YEATS2: variants seen among roughly 807,000 people sequenced by gnomAD.
The protein encoded by YEATS2 is YEATS domain-containing protein 2.
Under a neutral mutation model 163.2 loss-of-function variants are expected in YEATS2, and 77 were observed. The ratio of observed to expected loss-of-function variants is 0.47; its 90% confidence interval spans 0.39 to 0.57. The LOEUF (loss-of-function observed/expected upper bound fraction) is 0.57. Among genes scored for constraint, YEATS2 ranks in the 20% least tolerant of loss-of-function variants. The probability of loss-of-function intolerance (pLI) is 0.00; values close to 1 mark genes in which losing one functional copy is unlikely to be tolerated. For missense variants in YEATS2, 1,549 were observed against 1,729.8 expected (o/e 0.90, Z 1.85); for synonymous variants, 631 against 645.1 (o/e 0.98, Z 0.33).
At chr3:183,740,006 A>G (rs1718775129) in intron 8 of YEATS2, among the ~76,000 whole-genome samples, 1 of 103,294 alleles carries the variant, frequency 9.7e-6, no homozygotes, top group African/African-American at 3.8e-5. Context: ...TAAAAACCCT[A>G]GAAGAAAACC....
chr3:183,749,881 G>A (rs145279896), intron 9 of YEATS2, among the ~76,000 whole-genome samples: 3,990 of 152,014 alleles, frequency 0.026, 177 homozygotes, highest in African/African-American at 0.092. Context: ...GCAGTGGCTC[G>A]ATCTCGGCTC....
At chr3:183,730,835 C>T (rs1717703648) in intron 7 of YEATS2, among the ~76,000 whole-genome samples, 1 of 152,070 alleles carries the variant, frequency 6.6e-6, no homozygotes, top group African/African-American at 2.4e-5. Context: ...CACTTTGATG[C>T]TTAGGTTATT....
At chr3:183,722,744 C>T (rs1716658520) in intron 5 of YEATS2, among the ~76,000 whole-genome samples, 1 of 152,156 alleles carries the variant, frequency 6.6e-6, no homozygotes, top group Admixed American at 6.5e-5. Flanking sequence ...CCTCTGTCTC[C>T]CAGGTTCAAG....
intron 20 of YEATS2, 150 bp downstream of exon 20, chr3:183,786,451 TC>T: frequency 1.3e-6 from 1 of 767,312 alleles, no homozygotes; most frequent in Non-Finnish European, 2.0e-6. Flanking sequence ...ACCATAAAAG[TC>T]CCCATTTTGT....
Position 183,762,188 on chromosome 3 carries a change from A to G in YEATS2, c.1856A>G (p.Lys619Arg). The G allele has an allele frequency of 6.2e-7, 1 of 1,614,162 alleles. No individual in the cohort carries two copies. Among genetic ancestry groups the G allele is most frequent in the Non-Finnish European group, 8.5e-7 (1 of 1,180,032 alleles). The change falls in exon 15 of 31, where the codon AAA (lysine) becomes AGA (arginine). Residue 619 changes from lysine (K) to arginine (R), a missense_variant. Physicochemically the swap from Lys to Arg is conservative, Grantham distance 26 (BLOSUM62 2). Transcript: ENST00000305135. The part of the protein sequence containing the change: ...QSPLPQYVTV[K>R]GGHMIAVSPQ... ...CCACTCCCGCAGTATGTGACTGTGA[A>G]AGGGGGTCACATGATAGCTGTGTCC...
At chr3:183,734,214 T>C (rs1320647592) in intron 7 of YEATS2, among the ~76,000 whole-genome samples, 2 of 152,208 alleles carry the variant, frequency 1.3e-5, no homozygotes, top group African/African-American at 2.4e-5. Flanking sequence ...CCCAGTCATA[T>C]TACTGTGCGT....
At position 183,697,874 on chromosome 3, in the gene YEATS2, G is replaced by T. The variant is rs909026125; in HGVS notation, c.-139G>T. On this transcript the variant is annotated 5_prime_UTR_variant, in exon 1 of 31. Coordinates refer to ENST00000305135, the MANE Select transcript of YEATS2 (RefSeq NM_018023.5). ...GCGCCGTGTGCTTCCGCAGGTTGCG[G>T]GGGTCGCTGGGGCCTTGTGGCGGGG... 1 of 151,406 alleles carries T rather than the reference G, an allele frequency of 6.6e-6. No homozygotes were observed. The highest frequency in any genetic ancestry group is 2.4e-5 in the African/African-American group (1 of 41,298). The allele number at this position is 151,406 out of a possible 1,614,324, so 9.4% of individuals were successfully genotyped here. A position where few individuals can be genotyped will look rare whatever the true frequency, so the allele number is the denominator to read the frequency against.
chr3:183,803,419 T>G, intron 26 of YEATS2, 84 bp downstream of exon 26: 3 of 1,262,666 alleles, frequency 2.4e-6, no homozygotes, highest in Non-Finnish European at 3.4e-6. Context: ...CATATTTGGT[T>G]GAAATATTTG....
Position 183,804,053 on chromosome 3 carries a change from C to CTG in YEATS2, c.3649_3650insTG (p.His1217LeufsTer3). On this transcript the variant is annotated frameshift_variant, in exon 27 of 31. Transcript: ENST00000305135. LOFTEE classifies it high-confidence loss of function. ...CCTGGAGAAGAATCCGAGATTTCAC[C>CTG]ACCTGACTCCCCTCAAAACCAAGCA... 1 of 1,614,044 alleles carries CTG rather than the reference C, an allele frequency of 6.2e-7. No homozygotes were observed. The highest frequency in any genetic ancestry group is 8.5e-7 in the Non-Finnish European group (1 of 1,180,010).
At chr3:183,790,230 C>A (rs1659610410) in intron 20 of YEATS2, among the ~76,000 whole-genome samples, 1 of 152,218 alleles carries the variant, frequency 6.6e-6, no homozygotes, top group Non-Finnish European at 1.5e-5. Flanking sequence ...TATTCCTAGG[C>A]AGAAGCAGTG....
rs770571099 is a variant in YEATS2 at position 183,790,785 on chromosome 3, A to G, written c.2914-12A>G. The G allele has an allele frequency of 4.3e-6, 7 of 1,611,662 alleles. No homozygotes were observed. In the Admixed American group the frequency reaches 1.0e-4, roughly 23 times the overall value. ...CCTGAACTGTGTTGTTTCGGACCCC[A>G]TGGGTGAGCAGTCTGAAGGAATGGC... On this transcript the variant is annotated splice_polypyrimidine_tract_variant and intron_variant, in intron 20 of 30. Coordinates refer to ENST00000305135, the MANE Select transcript of YEATS2 (RefSeq NM_018023.5).
chr3:183,736,447 C>G (rs1718350751), intron 7 of YEATS2, among the ~76,000 whole-genome samples: 3 of 152,184 alleles, frequency 2.0e-5, no homozygotes, highest in African/African-American at 7.2e-5. Flanking sequence ...GTTCCCTCGT[C>G]TGTGAAAATG....
intron 6 of YEATS2, among the ~76,000 whole-genome samples, chr3:183,725,803 C>T (rs543477389): frequency 1.3e-5 from 2 of 152,202 alleles, no homozygotes; most frequent in African/African-American, 4.8e-5. Flanking sequence ...AAAGCTGAAA[C>T]CAGATTCTTC....
chr3:183,759,100 C>T lies in YEATS2; in HGVS notation c.1656+135C>T, dbSNP rs1721077651. 6.8e-6 allele frequency: 4 copies of T among 589,342 alleles called. No individual in the cohort carries two copies. In the South Asian group the frequency reaches 8.1e-5, roughly 12 times the overall value. The allele number at this position is 589,342 out of a possible 1,614,324, so 36.5% of individuals were successfully genotyped here. On this transcript the variant is annotated intron_variant, in intron 13 of 30. Transcript: ENST00000305135. ...CGAACTCCTGGCCTCAAGAGATCTG[C>T]CACCTCACCTGCCAGGGTACTGCGG...
intron 21 of YEATS2, among the ~76,000 whole-genome samples, chr3:183,791,496 T>A (rs1354739711): frequency 6.6e-6 from 1 of 152,244 alleles, no homozygotes; most frequent in Non-Finnish European, 1.5e-5. Context: ...TGAAAGTTAC[T>A]ATTTGAATTT....
At chr3:183,746,288 A>G (rs1473480127) in intron 8 of YEATS2, among the ~76,000 whole-genome samples, 4 of 152,186 alleles carry the variant, frequency 2.6e-5, no homozygotes, top group South Asian at 2.1e-4. Context: ...TCCTGGACTC[A>G]AGCAATCAGC....
intron 7 of YEATS2, among the ~76,000 whole-genome samples, chr3:183,735,590 T>TA (rs1375000962): frequency 2.6e-5 from 4 of 152,246 alleles, no homozygotes; most frequent in Admixed American, 2.6e-4. Context: ...TGCTCGTTAA[T>TA]TCACATCTGT....
chr3:183,729,321 C>T (rs1399805334), intron 7 of YEATS2, among the ~76,000 whole-genome samples: 3 of 151,976 alleles, frequency 2.0e-5, no homozygotes, highest in African/African-American at 7.3e-5. Flanking sequence ...ATTACTGTCT[C>T]ACTGAGCAGG....
intron 20 of YEATS2, among the ~76,000 whole-genome samples, chr3:183,788,732 A>G (rs1724309725): frequency 6.6e-6 from 1 of 152,174 alleles, no homozygotes; most frequent in Non-Finnish European, 1.5e-5. Context: ...ACTGTTCTCT[A>G]TCGTGATTGT....
Sources: gnomAD v4.1 joint callset for allele counts (sites outside exome capture counted in the v4.1 genomes callset) on GRCh38, gnomAD v4.1.1 for gene constraint, MANE v1.5 for transcripts, NCBI Gene and HGNC (gene_info 2026-07-23, HGNC 2026-07-21) for gene names.